The following ZFYVE28 variants were observed in gnomAD, a reference collection of about 807,000 sequenced individuals.
The protein encoded by ZFYVE28 is lateral signaling target protein 2 homolog.
ZFYVE28 carries 40 observed loss-of-function variants against 82.1 expected under a neutral mutation model. The observed-to-expected ratio is 0.49, with a 90% CI of 0.38 to 0.63. The LOEUF is 0.63. Ranked by LOEUF, ZFYVE28 falls within the 30% of genes least tolerant of loss-of-function variation. ZFYVE28 has a pLI of 0.00. For missense variants in ZFYVE28, 1,321 were observed against 1,242.1 expected (o/e 1.06, Z -0.96); for synonymous variants, 612 against 546.1 (o/e 1.12, Z -1.68).
chr4:2,388,389 G>A (rs1161610228), intron 1 of ZFYVE28, among the ~76,000 whole-genome samples: 1 of 152,156 alleles, frequency 6.6e-6, no homozygotes, highest in African/African-American at 2.4e-5. Flanking sequence ...AAAGGTCATG[G>A]ACTATCAACA....
At chr4:2,358,639 C>T (rs1279231092) in intron 1 of ZFYVE28, among the ~76,000 whole-genome samples, 1 of 152,186 alleles carries the variant, frequency 6.6e-6, no homozygotes, top group Non-Finnish European at 1.5e-5. Context: ...CCCTGCCAGG[C>T]CTGCTCACTG....
intron 7 of ZFYVE28, chr4:2,318,940 G>A (rs566968531): frequency 2.6e-5 from 4 of 152,498 alleles, no homozygotes; most frequent in East Asian, 3.9e-4. Flanking sequence ...TTAATCCCTC[G>A]ACAGCATTCT....
At chr4:2,275,811 C>T (rs1736376108) in intron 8 of ZFYVE28, among the ~76,000 whole-genome samples, 1 of 152,256 alleles carries the variant, frequency 6.6e-6, no homozygotes, top group Non-Finnish European at 1.5e-5. Flanking sequence ...ACTGGAAACG[C>T]GCATCTGCGT....
rs772918892 is a variant in ZFYVE28, at chr4:2,304,886, C to G, written c.1454G>C (p.Arg485Pro). ...CACCTCCCAGCCGTCCAGGTGCAGCCGCGAGTCCAGGCAGCTGCAGGAGCT... is the reference window on the plus strand; with the variant it reads ...CACCTCCCAGCCGTCCAGGTGCAGCGGCGAGTCCAGGCAGCTGCAGGAGCT... ...GTSSCSCLDS[R>P]LHLDGWEVGA... The change falls in exon 8 of 13, where the codon CGG becomes CCG. Residue 485 changes from arginine (R) to proline (P), a missense_variant. By Grantham distance (103) the Arg-to-Pro change is moderately radical. Around this residue, in one of 2 missense-constraint regions of ZFYVE28, gnomAD observed 978 missense variants for 833.7 expected, o/e 1.17. Transcript: ENST00000290974. The G allele has an allele frequency of 1.7e-5, 27 of 1,612,556 alleles. No individual in the cohort carries two copies. Among genetic ancestry groups the G allele is most frequent in the Non-Finnish European group, 2.3e-5 (27 of 1,179,888 alleles).
intron 6 of ZFYVE28, among the ~76,000 whole-genome samples, chr4:2,329,560 C>T (rs1334410955): frequency 6.6e-6 from 1 of 152,096 alleles, no homozygotes; most frequent in East Asian, 1.9e-4. Flanking sequence ...AAAGTAATTG[C>T]AATTTTTGCC....
At chr4:2,306,806 G>A (rs1191509472) in intron 7 of ZFYVE28, 1 of 152,170 alleles carries the variant, frequency 6.6e-6, no homozygotes, top group African/African-American at 2.4e-5. Context: ...CATAAAGCAC[G>A]TTGCCATAGG....
intron 7 of ZFYVE28, among the ~76,000 whole-genome samples, chr4:2,310,645 A>G (rs1223973813): frequency 6.6e-6 from 1 of 152,160 alleles, no homozygotes; most frequent in African/African-American, 2.4e-5. Flanking sequence ...CTCTACAAAA[A>G]ATACAAAAAT....
chr4:2,304,322 G>A lies in ZFYVE28; in HGVS notation c.2018C>T (p.Ala673Val), dbSNP rs1467650622. Residue 673 changes from alanine to valine, a missense_variant, in exon 8 of 13, where the codon GCT becomes GTT. Physicochemically the swap from Ala to Val is moderately conservative, Grantham distance 64. This residue lies in a region of ZFYVE28 where 978 missense variants were observed against 833.7 expected (regional missense o/e 1.17). Transcript: ENST00000290974. ...CGACAGGGCCTGAGGCGCCTCGTGA[G>A]CCGAGGGGCTCCCAGCATGCAGCTC... ...ARELHAGSPS[A>V]HEAPQALSGS... The A allele has an allele frequency of 6.2e-7, 1 of 1,600,636 alleles. No individual in the cohort carries two copies. The highest frequency in any genetic ancestry group is 1.7e-5 in the Admixed American group (1 of 59,258).
chr4:2,271,801 C>T (rs374185401), intron 10 of ZFYVE28, 22 bp from the exon 11 acceptor site: 1,436 of 1,609,514 alleles, frequency 8.9e-4, no homozygotes, highest in Non-Finnish European at 1.1e-3. Context: ...GGGGGGCCGT[C>T]GGGGTATGGT....
chr4:2,413,765 G>A (rs575519807), intron 1 of ZFYVE28, among the ~76,000 whole-genome samples: 11 of 152,326 alleles, frequency 7.2e-5, no homozygotes, highest in African/African-American at 2.4e-4. Flanking sequence ...GGGCATGGAC[G>A]CAGTGCTGTA....
chr4:2,325,040 G>C (rs1405158734), intron 6 of ZFYVE28: 1 of 154,048 alleles, frequency 6.5e-6, no homozygotes. Flanking sequence ...AATGCAAATT[G>C]TAACTATACA....
At chr4:2,373,955 A>G (rs1056672065) in intron 1 of ZFYVE28, among the ~76,000 whole-genome samples, 2 of 151,736 alleles carry the variant, frequency 1.3e-5, no homozygotes, top group African/African-American at 4.8e-5. Flanking sequence ...ACCGCCCCCC[A>G]TCTCTCCCAG....
intron 2 of ZFYVE28, among the ~76,000 whole-genome samples, chr4:2,343,870 T>C (rs1723154987): frequency 6.6e-6 from 1 of 152,204 alleles, no homozygotes; most frequent in Non-Finnish European, 1.5e-5. Context: ...GGGTCTTCTG[T>C]TATTCACGAT....
At chr4:2,301,956 A>T (rs904046777) in intron 8 of ZFYVE28, among the ~76,000 whole-genome samples, 1 of 152,218 alleles carries the variant, frequency 6.6e-6, no homozygotes, top group African/African-American at 2.4e-5. Flanking sequence ...AAAAGCCTGG[A>T]AACAAGCCCA....
In ZFYVE28 at chr4:2,335,866, G is replaced by A; in HGVS notation, c.612-72C>T. 7.5e-7 allele frequency: 1 copy of A among 1,330,926 alleles called. No homozygotes were observed. Among genetic ancestry groups the A allele is most frequent in the Non-Finnish European group, 1.1e-6 (1 of 951,840 alleles). The allele number at this position is 1,330,926 out of a possible 1,614,324, so 82.4% of individuals were successfully genotyped here. A position where few individuals can be genotyped will look rare whatever the true frequency, so the allele number is the denominator to read the frequency against. ...CAGCCACAGGTTGGACCCCAGCAGG[G>A]ACAGGCAGTGCGCTCAATCTGTACC... is the stretch of plus-strand genomic sequence containing the variant. On this transcript the variant is annotated intron_variant, in intron 5 of 12. Transcript: ENST00000290974. This position sits in a 1 kb window ranked among gnomAD's most constrained non-coding sequence, Gnocchi z 5.8.
At chr4:2,395,653 G>T (rs570189288) in intron 1 of ZFYVE28, among the ~76,000 whole-genome samples, 3 of 152,316 alleles carry the variant, frequency 2.0e-5, no homozygotes, top group African/African-American at 7.2e-5. Flanking sequence ...AGGAAACAGG[G>T]CTTTCCTGAG....
At chr4:2,293,898 C>T (rs1192875878) in intron 8 of ZFYVE28, among the ~76,000 whole-genome samples, 2 of 151,898 alleles carry the variant, frequency 1.3e-5, no homozygotes, top group Non-Finnish European at 2.9e-5. Context: ...ATTCATCTGA[C>T]AAAAGATGTG....
At chr4:2,325,475 G>A (rs1361968263) in intron 6 of ZFYVE28, among the ~76,000 whole-genome samples, 1 of 151,936 alleles carries the variant, frequency 6.6e-6, no homozygotes, top group Non-Finnish European at 1.5e-5. Context: ...AAAAACGACT[G>A]CATATGATAA....
At chr4:2,283,174 A>G (rs531002960) in intron 8 of ZFYVE28, among the ~76,000 whole-genome samples, 24 of 149,730 alleles carry the variant, frequency 1.6e-4, no homozygotes, top group Non-Finnish European at 3.1e-4. Context: ...CCATCCACCC[A>G]TCCATTCATC....
Sources: allele counts gnomAD v4.1 joint callset (sites outside exome capture counted in the v4.1 genomes callset), GRCh38; gene constraint gnomAD v4.1.1; regional missense constraint gnomAD v4.1.1; non-coding constraint Gnocchi (gnomAD v3.1); transcripts MANE v1.5; gene names NCBI Gene and HGNC (gene_info 2026-07-23, HGNC 2026-07-21).